The following UBE2F variants were observed in gnomAD, a reference collection of about 807,000 sequenced individuals.
The protein encoded by UBE2F is ubiquitin conjugating enzyme E2 F (putative).
In UBE2F, 5 loss-of-function variants were observed where a neutral mutation model predicts 29.6. That is an observed-to-expected ratio of 0.17 (90% CI 0.09 to 0.36). UBE2F has a LOEUF of 0.36. UBE2F is among the 10% of genes least tolerant of loss of function. The pLI, the probability that UBE2F is intolerant of heterozygous loss-of-function variation, is 1.00. For missense variants in UBE2F, 141 were observed against 228.5 expected, an observed-to-expected ratio of 0.62 and a Z score of 2.47; for synonymous variants, 66 against 81.8, an observed-to-expected ratio of 0.81 and a Z score of 1.04.
Position 237,967,617 on chromosome 2 carries a change from C to T in UBE2F, c.-17+485C>T, listed in dbSNP as rs2063084597. Among the ~76,000 whole-genome samples, 1 of 152,144 alleles carries T rather than the reference C, an allele frequency of 6.6e-6. No homozygotes were observed. The highest frequency in any genetic ancestry group is 6.5e-5 in the Admixed American group (1 of 15,280). On this transcript the variant is annotated intron_variant, in intron 1 of 9. Coordinates refer to ENST00000272930, the MANE Select transcript of UBE2F (RefSeq NM_080678.3). The surrounding 1 kb of genome is among the most constrained non-coding windows in gnomAD (Gnocchi z 6.3). ...GGACTCCCGATCGGGGCAGGAGTCGCGCTAGGCCGTGAGGAGCGGGGGAGG... is the reference window on the plus strand; with the variant it reads ...GGACTCCCGATCGGGGCAGGAGTCGTGCTAGGCCGTGAGGAGCGGGGGAGG...
At chr2:238,033,023 T>TA (rs1202525542) in intron 8 of UBE2F, among the ~76,000 whole-genome samples, 2 of 152,314 alleles carry the variant, frequency 1.3e-5, no homozygotes, top group Non-Finnish European at 2.9e-5. Context: ...GGGTGGCTGT[T>TA]ACTCTGGGGT....
chr2:238,026,588 T>G (rs2064436771), intron 6 of UBE2F, among the ~76,000 whole-genome samples: 1 of 152,100 alleles, frequency 6.6e-6, no homozygotes, highest in African/African-American at 2.4e-5. Context: ...CGCCTACCAC[T>G]ACGCCCGGCT....
Position 238,025,365 on chromosome 2 carries a change from C to G in UBE2F, c.306C>G (p.Thr102=), listed in dbSNP as rs140774633. The change falls in exon 6 of 10, where the codon ACC becomes ACG. Residue 102 remains threonine (T), a synonymous_variant. Coordinates refer to ENST00000272930, the MANE Select transcript of UBE2F (RefSeq NM_080678.3). The part of the protein sequence containing the change: ...NMVPPKVKCL[T]KIWHPNITET... ...AGCCTCCCAAAGTGAAATGCCTGAC[C>G]AAGATCTGGCACCCCAACATCACAG... 48 of 1,614,068 alleles carry G rather than the reference C, an allele frequency of 3.0e-5. No individual in the cohort carries two copies. The African/African-American group carries it at 5.7e-4, about 19-fold the overall frequency.
At chr2:238,025,026 G>A (rs1484932187) in intron 5 of UBE2F, among the ~76,000 whole-genome samples, 1 of 152,156 alleles carries the variant, frequency 6.6e-6, no homozygotes, top group Non-Finnish European at 1.5e-5. Context: ...AAACCCAGGG[G>A]GTGTGGGAGG....
intron 8 of UBE2F, chr2:238,035,180 C>T (rs2064678856): frequency 6.6e-6 from 1 of 152,542 alleles, no homozygotes; most frequent in African/African-American, 2.4e-5. Flanking sequence ...GCGTGAGCCA[C>T]CGTGCCCAGC....
rs149206086 is a variant in UBE2F at position 238,018,589 on chromosome 2, G to A, written c.282+1956G>A. Among the ~76,000 whole-genome samples the A allele has an allele frequency of 9.9e-4, 150 of 152,094 alleles. 1 individual carries two copies. The highest frequency in any genetic ancestry group is 3.5e-3 in the African/African-American group (146 of 41,458). On this transcript the variant is annotated intron_variant, in intron 5 of 9. Transcript: ENST00000272930. ...TTTATTTATTTATTTATTTAGAGACGGAGTCTTGCTCTGTTCCCCAGCCTG... is the reference window on the plus strand; with the variant it reads ...TTTATTTATTTATTTATTTAGAGACAGAGTCTTGCTCTGTTCCCCAGCCTG...
chr2:238,030,469 C>A, intron 6 of UBE2F, 87 bp from the exon 7 acceptor site: 2 of 892,088 alleles, frequency 2.2e-6, no homozygotes, highest in Non-Finnish European at 3.7e-6. Flanking sequence ...AGAGCTCCTG[C>A]ATGGCACACA....
chr2:237,973,804 G>A (rs945538556), intron 2 of UBE2F: 1 of 714,362 alleles, frequency 1.4e-6, no homozygotes, highest in African/African-American at 1.9e-5. Context: ...GAGTATGCGT[G>A]CATGCAGATA....
At chr2:237,991,506 C>T (rs1466906384) in intron 3 of UBE2F, among the ~76,000 whole-genome samples, 1 of 148,658 alleles carries the variant, frequency 6.7e-6, no homozygotes. Flanking sequence ...TGCATGCCTA[C>T]ATGTAGATAA....
In UBE2F at chr2:237,982,917, T is replaced by C. The variant is rs2063406746; in HGVS notation, c.119-5046T>C. On this transcript the variant is annotated intron_variant, in intron 2 of 9. Transcript: ENST00000272930. The surrounding 1 kb of genome is among the most constrained non-coding windows in gnomAD (Gnocchi z 4.1). ...ATCTGGCCCATTGGAAAGGCAGCTA[T>C]GTATCAGTGTGGGCATGAGAAGAAT... Among the ~76,000 whole-genome samples, 1 of 152,218 alleles carries C rather than the reference T, an allele frequency of 6.6e-6. No individual in the cohort carries two copies. Among genetic ancestry groups the C allele is most frequent in the East Asian group, 1.9e-4 (1 of 5,194 alleles).
chr2:237,973,398 AT>A (rs2063213346), intron 2 of UBE2F, among the ~76,000 whole-genome samples, 173 bp downstream of exon 2: 1 of 152,242 alleles, frequency 6.6e-6, no homozygotes, highest in Admixed American at 6.5e-5. Flanking sequence ...CGCAGGTGAT[AT>A]GAGCACACTG....
intron 4 of UBE2F, among the ~76,000 whole-genome samples, chr2:237,997,042 T>G (rs2106356390): frequency 6.6e-6 from 1 of 152,160 alleles, no homozygotes; most frequent in East Asian, 1.9e-4. Flanking sequence ...GCCAACATAG[T>G]GAAACCTCGT....
chr2:237,982,329 C>T lies in UBE2F; in HGVS notation c.119-5634C>T, dbSNP rs1490463649. Among the ~76,000 whole-genome samples, 3 of 152,314 alleles carry T rather than the reference C, an allele frequency of 2.0e-5. No homozygotes were observed. Among genetic ancestry groups the T allele is most frequent in the African/African-American group, 7.2e-5 (3 of 41,570 alleles). ...GCCCATTTCTTCCCACTCCTCCGCC[C>T]TACCACATCACAGTCTTAGCACTGG... On this transcript the variant is annotated intron_variant, in intron 2 of 9. Coordinates refer to ENST00000272930, the MANE Select transcript of UBE2F (RefSeq NM_080678.3). The surrounding 1 kb of genome is among the most constrained non-coding windows in gnomAD (Gnocchi z 4.1).
At chr2:237,975,561 G>A (rs1283016594) in intron 2 of UBE2F, among the ~76,000 whole-genome samples, 1 of 152,234 alleles carries the variant, frequency 6.6e-6, no homozygotes, top group Non-Finnish European at 1.5e-5. Context: ...AAGAGCTGGT[G>A]TATGTAAATG....
intron 2 of UBE2F, among the ~76,000 whole-genome samples, chr2:237,978,897 C>G (rs1281915374): frequency 6.6e-6 from 1 of 152,166 alleles, no homozygotes; most frequent in Non-Finnish European, 1.5e-5. Context: ...CCCTACCCCC[C>G]AAACACCCCT....
intron 5 of UBE2F, among the ~76,000 whole-genome samples, chr2:238,020,486 A>G (rs1040400350): frequency 6.6e-6 from 1 of 152,210 alleles, no homozygotes; most frequent in Non-Finnish European, 1.5e-5. Flanking sequence ...CTTCACTGCC[A>G]TGACTGACTT....
intron 1 of UBE2F, among the ~76,000 whole-genome samples, chr2:237,971,366 A>G (rs931430992): frequency 2.0e-5 from 3 of 152,198 alleles, no homozygotes; most frequent in Admixed American, 6.5e-5. Context: ...CTCTGTTGCC[A>G]GGCTGGAGTG....
intron 5 of UBE2F, among the ~76,000 whole-genome samples, chr2:238,019,349 C>T (rs1456658682): frequency 6.6e-6 from 1 of 151,994 alleles, no homozygotes; most frequent in East Asian, 1.9e-4. Flanking sequence ...GGGTCCTTTC[C>T]TCTCCTTTCC....
At position 238,025,380 on chromosome 2, in the gene UBE2F, C is replaced by G. The variant is rs749178509; in HGVS notation, c.321C>G (p.Pro107=). The change falls in exon 6 of 10, where the codon CCC becomes CCG. Residue 107 remains proline (P), a synonymous_variant. Coordinates refer to ENST00000272930, the MANE Select transcript of UBE2F (RefSeq NM_080678.3). ...AATGCCTGACCAAGATCTGGCACCCCAACATCACAGAGACAGGGGAAATAT... is the reference window on the plus strand; with the variant it reads ...AATGCCTGACCAAGATCTGGCACCCGAACATCACAGAGACAGGGGAAATAT... ...KVKCLTKIWH[P]NITETGEICL... is the part of the protein sequence containing the mutation. The G allele has an allele frequency of 9.3e-6, 15 of 1,614,056 alleles. No homozygotes were observed. In the South Asian group the frequency reaches 1.6e-4, roughly 18 times the overall value.
Sources: allele counts gnomAD v4.1 joint callset (sites outside exome capture counted in the v4.1 genomes callset), GRCh38; gene constraint gnomAD v4.1.1; non-coding constraint Gnocchi (gnomAD v3.1); transcripts MANE v1.5; gene names NCBI Gene and HGNC (gene_info 2026-07-23, HGNC 2026-07-21).